Variants in XKR4 observed in about 807,000 individuals in gnomAD.
The protein encoded by XKR4 is XK-related protein 4.
In XKR4, 12 loss-of-function variants were observed where a neutral mutation model predicts 53.9. The observed-to-expected ratio is 0.22, with a 90% CI of 0.14 to 0.36. XKR4 has a LOEUF of 0.36. Ranked by LOEUF, XKR4 falls within the 10% of genes least tolerant of loss-of-function variation. The probability of loss-of-function intolerance (pLI) is 1.00; values close to 1 mark genes in which losing one functional copy is unlikely to be tolerated. For synonymous variants in XKR4, 354 were observed against 362.4 expected (o/e 0.98, Z 0.26); for missense variants, 799 against 859.5 (o/e 0.93, Z 0.88).
At chr8:55,196,009 C>T (rs940906831) in intron 1 of XKR4, among the ~76,000 whole-genome samples, 4 of 152,180 alleles carry the variant, frequency 2.6e-5, no homozygotes, top group South Asian at 4.2e-4. Context: ...ATGCTCCTGT[C>T]GGAAACTGTT....
intron 1 of XKR4, among the ~76,000 whole-genome samples, chr8:55,139,392 G>T (rs1290125856): frequency 6.6e-6 from 1 of 151,936 alleles, no homozygotes; most frequent in Non-Finnish European, 1.5e-5. Flanking sequence ...AAATTATCTG[G>T]ATGCGGTGGC....
At chr8:55,213,720 A>G (rs1223455677) in intron 1 of XKR4, among the ~76,000 whole-genome samples, 1 of 152,148 alleles carries the variant, frequency 6.6e-6, no homozygotes, top group Admixed American at 6.5e-5. Context: ...GAACAAGGAC[A>G]TTTTGGAGGT....
chr8:55,444,296 G>T (rs200958184), intron 2 of XKR4, among the ~76,000 whole-genome samples: 2 of 152,160 alleles, frequency 1.3e-5, no homozygotes, highest in East Asian at 3.8e-4. Flanking sequence ...GAAAGTATAG[G>T]AAGCGAACTC....
chr8:55,302,746 C>A (rs1418778044), intron 1 of XKR4, among the ~76,000 whole-genome samples: 1 of 152,032 alleles, frequency 6.6e-6, no homozygotes, highest in African/African-American at 2.4e-5. Flanking sequence ...GTATTTTATT[C>A]TCTTTGAAGC....
chr8:55,186,201 G>A (rs1437532673), intron 1 of XKR4, among the ~76,000 whole-genome samples: 1 of 152,000 alleles, frequency 6.6e-6, no homozygotes, highest in Admixed American at 6.6e-5. Flanking sequence ...CTGCTAATTT[G>A]TATTTTTCCT....
chr8:55,375,367 A>G (rs1804131729), intron 2 of XKR4, among the ~76,000 whole-genome samples: 1 of 152,018 alleles, frequency 6.6e-6, no homozygotes, highest in Non-Finnish European at 1.5e-5. Flanking sequence ...CTCTGTCTAA[A>G]TTTATCAGAA....
At chr8:55,521,221 A>G (rs2129405762) in intron 2 of XKR4, among the ~76,000 whole-genome samples, 1 of 152,378 alleles carries the variant, frequency 6.6e-6, no homozygotes, top group South Asian at 2.1e-4. Flanking sequence ...TGGTACACAT[A>G]AGAAGAGAGA....
intron 1 of XKR4, among the ~76,000 whole-genome samples, chr8:55,165,510 A>C (rs1817053525): frequency 6.6e-6 from 1 of 152,328 alleles, no homozygotes; most frequent in South Asian, 2.1e-4. Flanking sequence ...CCGCAAACTG[A>C]AACTAATCCA....
In XKR4 at chr8:55,446,218, C is replaced by A. The variant is rs555297081; in HGVS notation, c.1007-77063C>A. Among the ~76,000 whole-genome samples, 8 of 152,304 alleles carry A rather than the reference C, an allele frequency of 5.3e-5. No homozygotes were observed. The South Asian group carries it at 1.7e-3, about 32-fold the overall frequency. On this transcript the variant is annotated intron_variant, in intron 2 of 2. Coordinates refer to ENST00000327381, the MANE Select transcript of XKR4 (RefSeq NM_052898.2). Reference sequence around the variant, plus strand: ...CATCACGTGGAGGTACCTGGCCCAGCGCAAACTAACCTTGGAGCTTTTATC... The same window carrying A: ...CATCACGTGGAGGTACCTGGCCCAGAGCAAACTAACCTTGGAGCTTTTATC...
At chr8:55,377,694 G>A (rs1041499161) in intron 2 of XKR4, among the ~76,000 whole-genome samples, 3 of 152,190 alleles carry the variant, frequency 2.0e-5, no homozygotes, top group Admixed American at 6.5e-5. Context: ...CCAGAACACC[G>A]TGAGTTGGTT....
chr8:55,450,613 C>G (rs1805423460), intron 2 of XKR4: 4 of 705,788 alleles, frequency 5.7e-6, no homozygotes, highest in African/African-American at 1.8e-5. Flanking sequence ...TGGGGAACTG[C>G]AGGTGGAGCT....
chr8:55,202,009 AT>A (rs1817582200), intron 1 of XKR4, among the ~76,000 whole-genome samples: 1 of 152,226 alleles, frequency 6.6e-6, no homozygotes, highest in African/African-American at 2.4e-5. Flanking sequence ...GGAGGCCATG[AT>A]ATTAGCTTTA....
At chr8:55,135,869 AT>A (rs1177277876) in intron 1 of XKR4, among the ~76,000 whole-genome samples, 1 of 147,014 alleles carries the variant, frequency 6.8e-6, no homozygotes, top group Non-Finnish European at 1.5e-5. Context: ...TTTCTCTGAG[AT>A]TTCCTTTCAA....
chr8:55,329,550 A>G (rs1563325567), intron 1 of XKR4, among the ~76,000 whole-genome samples: 1 of 152,200 alleles, frequency 6.6e-6, no homozygotes, highest in African/African-American at 2.4e-5. Context: ...AAAGTAATAC[A>G]CTAAATAAAA....
chr8:55,262,267 G>A (rs887677571), intron 1 of XKR4, among the ~76,000 whole-genome samples: 15 of 152,128 alleles, frequency 9.9e-5, no homozygotes, highest in African/African-American at 2.9e-4. Context: ...ATTAATCCAC[G>A]TAACAAACGT....
At chr8:55,479,080 A>G (rs1458999999) in intron 2 of XKR4, among the ~76,000 whole-genome samples, 1 of 152,098 alleles carries the variant, frequency 6.6e-6, no homozygotes, top group Non-Finnish European at 1.5e-5. Flanking sequence ...TCTCCACCCC[A>G]AATCAACAGA....
intron 2 of XKR4, among the ~76,000 whole-genome samples, chr8:55,467,949 A>C (rs1307808663): frequency 1.3e-5 from 2 of 152,184 alleles, no homozygotes; most frequent in African/African-American, 4.8e-5. Flanking sequence ...GGTTACAGAG[A>C]CTTATGCCAT....
intron 1 of XKR4, among the ~76,000 whole-genome samples, chr8:55,151,606 A>G (rs1487513332): frequency 6.6e-6 from 1 of 152,218 alleles, no homozygotes; most frequent in African/African-American, 2.4e-5. Flanking sequence ...TTTTATAAGT[A>G]TAAAAGTAAT....
intron 2 of XKR4, among the ~76,000 whole-genome samples, chr8:55,470,717 CATT>C (rs760685143): frequency 1.3e-5 from 2 of 152,240 alleles, no homozygotes; most frequent in East Asian, 3.9e-4. Context: ...CTATCATTAT[CATT>C]ATTATTAGTG....
Sources: allele counts gnomAD v4.1 joint callset (sites outside exome capture counted in the v4.1 genomes callset), GRCh38; gene constraint gnomAD v4.1.1; transcripts MANE v1.5; gene names NCBI Gene and HGNC (gene_info 2026-07-23, HGNC 2026-07-21).